Variants in TMPRSS4 observed in about 807,000 individuals in gnomAD.
TMPRSS4 encodes the protein transmembrane serine protease 4.
A neutral mutation model predicts 56.4 loss-of-function variants in TMPRSS4; 45 were observed. The observed-to-expected ratio is 0.80, with a 90% CI of 0.63 to 1.02. The LOEUF (loss-of-function observed/expected upper bound fraction) is 1.02, where lower values mean the gene tolerates loss of function less well. TMPRSS4 is among the 50% of genes least tolerant of loss of function. TMPRSS4 has a pLI of 0.00. For synonymous variants in TMPRSS4, 205 were observed against 211.0 expected (o/e 0.97, Z 0.25); for missense variants, 546 against 556.7 (o/e 0.98, Z 0.19).
chr11:118,079,267 T>G (rs1003035825), intron 1 of TMPRSS4, among the ~76,000 whole-genome samples: 2 of 152,112 alleles, frequency 1.3e-5, no homozygotes, highest in African/African-American at 4.8e-5. Flanking sequence ...GAGGGGAGGA[T>G]GGGATCTCCA....
At chr11:118,123,643 C>A (rs1947838177), downstream of TMPRSS4, among the ~76,000 whole-genome samples, 1 of 152,166 alleles carries the variant, frequency 6.6e-6, no homozygotes, top group Non-Finnish European at 1.5e-5. Flanking sequence ...TTGCCTTAGC[C>A]TCCCAAGTAG....
chr11:118,099,182 G>C, intron 3 of TMPRSS4, 84 bp downstream of exon 3: 1 of 1,045,064 alleles, frequency 9.6e-7, no homozygotes, highest in Non-Finnish European at 1.4e-6. Context: ...CCCTGAATAA[G>C]TGACAGTCCC....
chr11:118,083,798 G>A (rs762330305), intron 1 of TMPRSS4, among the ~76,000 whole-genome samples: 3 of 152,072 alleles, frequency 2.0e-5, no homozygotes, highest in African/African-American at 4.8e-5. Flanking sequence ...GCTCACACCT[G>A]TAATCCCGCT....
In TMPRSS4 at chr11:118,119,468, T is replaced by A. The variant is rs1947714604; in HGVS notation, c.*1555T>A. The A allele has an allele frequency of 1.6e-6, 1 of 624,666 alleles. No individual in the cohort carries two copies. The highest frequency in any genetic ancestry group is 2.0e-6 in the Non-Finnish European group (1 of 500,790). 38.7% of individuals were successfully genotyped at this position (624,666 alleles called of 1,614,324 possible). A position where few individuals can be genotyped will look rare whatever the true frequency, so the allele number is the denominator to read the frequency against. ...GTTGAAAAATAAAAAACACCTTAAG[T>A]GGGCAGCATAAAAAACAGCTAATTT... On this transcript the variant is annotated 3_prime_UTR_variant, in exon 13 of 13. Coordinates refer to ENST00000437212, the MANE Select transcript of TMPRSS4 (RefSeq NM_019894.4).
intron 4 of TMPRSS4, 105 bp downstream of exon 4, chr11:118,103,358 T>A: frequency 2.7e-6 from 3 of 1,109,494 alleles, no homozygotes; most frequent in South Asian, 3.3e-5. Flanking sequence ...TCACTTTTCA[T>A]CCTTGTTGTA....
chr11:118,088,841 C>T (rs1340415979), intron 1 of TMPRSS4, among the ~76,000 whole-genome samples: 1 of 152,230 alleles, frequency 6.6e-6, no homozygotes, highest in Non-Finnish European at 1.5e-5. Context: ...TCAACTTCCT[C>T]CTTCCCTCTA....
Position 118,107,414 on chromosome 11 carries a change from C to T in TMPRSS4, c.441-360C>T, listed in dbSNP as rs540598164. 72 of 168,208 alleles carry T rather than the reference C, an allele frequency of 4.3e-4. No individual in the cohort carries two copies. The South Asian group carries it at 0.013, about 31-fold the overall frequency. The allele number at this position is 168,208 out of a possible 1,614,324, so 10.4% of individuals were successfully genotyped here. ...CTGAGCCCCTATGCCTCTTTGTTTC[C>T]CTGCTGTGAACCAGAAGACATTGCT... is the stretch of plus-strand genomic sequence containing the variant. On this transcript the variant is annotated intron_variant, in intron 5 of 12. Transcript: ENST00000437212.
chr11:118,117,019 G>T lies in TMPRSS4; in HGVS notation c.1153-286G>T, dbSNP rs113013932. Among the ~76,000 whole-genome samples, 1,440 of 152,210 alleles carry T rather than the reference G, an allele frequency of 9.5e-3. 25 individuals carry two copies. The highest frequency in any genetic ancestry group is 0.033 in the African/African-American group (1,365 of 41,504). ...AGCCACCGCTCCTGGCCAACAACCAGGCTTTTTTAAGACATCACTCAGAGC... is the reference window on the plus strand; with the variant it reads ...AGCCACCGCTCCTGGCCAACAACCATGCTTTTTTAAGACATCACTCAGAGC... On this transcript the variant is annotated intron_variant, in intron 11 of 12. Transcript: ENST00000437212.
At position 118,107,618 on chromosome 11, in the gene TMPRSS4, C is replaced by A. The variant is rs866166297; in HGVS notation, c.441-156C>A. ...GTTCTTTATTGTATAGCAAAGCAGGCCCCATCTTCACTGACTAAGACCATC... is the reference window on the plus strand; with the variant it reads ...GTTCTTTATTGTATAGCAAAGCAGGACCCATCTTCACTGACTAAGACCATC... On this transcript the variant is annotated intron_variant, in intron 5 of 12. Coordinates refer to ENST00000437212, the MANE Select transcript of TMPRSS4 (RefSeq NM_019894.4). The A allele has an allele frequency of 1.5e-5, 9 of 582,796 alleles. No individual in the cohort carries two copies. The Middle Eastern group carries it at 1.8e-3, about 115-fold the overall frequency. 36.1% of individuals were successfully genotyped at this position (582,796 alleles called of 1,614,324 possible). A position where few individuals can be genotyped will look rare whatever the true frequency, so the allele number is the denominator to read the frequency against.
chr11:118,094,730 T>C, intron 1 of TMPRSS4, 86 bp from the exon 2 acceptor site: 4 of 1,236,456 alleles, frequency 3.2e-6, no homozygotes, highest in Non-Finnish European at 4.7e-6. Context: ...GAAGGGAATG[T>C]AGACAAGACC....
At chr11:118,088,111 C>G (rs1190376971) in intron 1 of TMPRSS4, 2 of 152,202 alleles carry the variant, frequency 1.3e-5, no homozygotes, top group Non-Finnish European at 2.9e-5. Context: ...GACCCAGCAC[C>G]AGCTAATGAC....
chr11:118,107,651 C>T lies in TMPRSS4; in HGVS notation c.441-123C>T, dbSNP rs533942954. 92 of 755,418 alleles carry T rather than the reference C, an allele frequency of 1.2e-4. No homozygotes were observed. In the African/African-American group the frequency reaches 1.4e-3, roughly 11 times the overall value. 46.8% of individuals were successfully genotyped at this position (755,418 alleles called of 1,614,324 possible). A position where few individuals can be genotyped will look rare whatever the true frequency, so the allele number is the denominator to read the frequency against. On this transcript the variant is annotated intron_variant, in intron 5 of 12. Transcript: ENST00000437212. ...TCACTGACTAAGACCATCTCCACTCCCTGGCCACTCCCCACCAAGCATTCT... is the reference window on the plus strand; with the variant it reads ...TCACTGACTAAGACCATCTCCACTCTCTGGCCACTCCCCACCAAGCATTCT...
intron 9 of TMPRSS4, 142 bp from the exon 10 acceptor site, chr11:118,114,687 G>A: frequency 2.2e-6 from 2 of 897,610 alleles, no homozygotes; most frequent in South Asian, 3.3e-5. Flanking sequence ...CCAAAGCCAA[G>A]TTGTTTACTA....
At position 118,099,054 on chromosome 11, in the gene TMPRSS4, T is replaced by C. The variant is rs1201727833; in HGVS notation, c.113T>C (p.Ile38Thr). The change falls in exon 3 of 13, where the codon ATA becomes ACA. Residue 38 changes from isoleucine to threonine, a missense_variant. By Grantham distance (89) the Ile-to-Thr change is moderately conservative. Coordinates refer to ENST00000437212, the MANE Select transcript of TMPRSS4 (RefSeq NM_019894.4). Reference protein sequence around the residue: ...TFRKVGIPIIIALLSLASIII... With the variant: ...TFRKVGIPIITALLSLASIII... ...AGAAAGGTGGGGATCCCCATCATCA[T>C]AGCACTACTGAGCCTGGCGAGTATC... 5.0e-6 allele frequency: 8 copies of C among 1,613,976 alleles called. No individual in the cohort carries two copies. Among genetic ancestry groups the C allele is most frequent in the Admixed American group, 1.7e-5 (1 of 60,014 alleles).
intron 5 of TMPRSS4, chr11:118,105,465 T>G (rs1471281580): frequency 6.6e-6 from 1 of 152,104 alleles, no homozygotes; most frequent in Non-Finnish European, 1.5e-5. Context: ...ATAAATAGGC[T>G]CAAACAAAGT....
rs1947286124 is a variant in TMPRSS4 at position 118,111,727 on chromosome 11, C to T, written c.584-14C>T. ...CTGACTTCCTGCCTCCTCCCTGCCT[C>T]TGCCTGTGTCCAGCCTGTGGGAAGA... On this transcript the variant is annotated splice_polypyrimidine_tract_variant and intron_variant, in intron 7 of 12. Transcript: ENST00000437212. The T allele has an allele frequency of 6.5e-7, 1 of 1,550,374 alleles. No homozygotes were observed. The highest frequency in any genetic ancestry group is 1.2e-5 in the South Asian group (1 of 81,430).
chr11:118,083,921 CCAGCT>C (rs993445255), intron 1 of TMPRSS4, among the ~76,000 whole-genome samples: 30 of 151,974 alleles, frequency 2.0e-4, no homozygotes, highest in African/African-American at 7.0e-4. Context: ...GCCTGTAATC[CCAGCT>C]ACTCTGGAGG....
chr11:118,113,575 C>A, intron 9 of TMPRSS4, 140 bp downstream of exon 9: 1 of 904,904 alleles, frequency 1.1e-6, no homozygotes, highest in Non-Finnish European at 1.7e-6. Context: ...AATACGTCAG[C>A]CTAACATCAC....
chr11:118,116,274 C>T (rs976152121), intron 11 of TMPRSS4, among the ~76,000 whole-genome samples: 2 of 152,036 alleles, frequency 1.3e-5, no homozygotes, highest in African/African-American at 4.8e-5. Flanking sequence ...TCATTAAAAC[C>T]CCTACCCTAC....
Sources: gnomAD v4.1 joint callset for allele counts (sites outside exome capture counted in the v4.1 genomes callset) on GRCh38, gnomAD v4.1.1 for gene constraint, MANE v1.5 for transcripts, NCBI Gene and HGNC (gene_info 2026-07-23, HGNC 2026-07-21) for gene names.